MLLT3: variants seen among roughly 807,000 people sequenced by gnomAD.
The protein encoded by MLLT3 is MLLT3 super elongation complex subunit.
Under a neutral mutation model 53.2 loss-of-function variants are expected in MLLT3, and 4 were observed. That is an observed-to-expected ratio of 0.08 (90% CI 0.04 to 0.17). MLLT3 has a LOEUF of 0.17. MLLT3 is among the 10% of genes least tolerant of loss of function. The pLI is 1.00. For missense variants in MLLT3, 569 were observed against 684.0 expected, an observed-to-expected ratio of 0.83 and a Z score of 1.87; for synonymous variants, 283 against 230.6, an observed-to-expected ratio of 1.23 and a Z score of -2.06.
At chr9:20,364,463 T>C (rs1821400287) in intron 6 of MLLT3, among the ~76,000 whole-genome samples, 3 of 152,188 alleles carry the variant, frequency 2.0e-5, no homozygotes, top group Non-Finnish European at 4.4e-5. Flanking sequence ...CAGAAGAGGT[T>C]ATAAAGACAA....
rs1587135032 is a variant in MLLT3 at position 20,346,238 on chromosome 9, C to T, written c.*205G>A. The T allele has an allele frequency of 1.9e-6, 1 of 525,810 alleles. No individual in the cohort carries two copies. Among genetic ancestry groups the T allele is most frequent in the Non-Finnish European group, 3.2e-6 (1 of 312,544 alleles). 32.6% of individuals were successfully genotyped at this position (525,810 alleles called of 1,614,324 possible). On this transcript the variant is annotated 3_prime_UTR_variant, in exon 11 of 11. Transcript: ENST00000380338. The stretch of plus-strand genomic sequence containing the variant: ...AGAGTGGTCCGCTGAGGCTGGTTTG[C>T]TTTAACCTCTCCTTTATCAAGAGAT...
chr9:20,470,361 T>C (rs1824356679), intron 2 of MLLT3, among the ~76,000 whole-genome samples: 1 of 151,966 alleles, frequency 6.6e-6, no homozygotes, highest in African/African-American at 2.4e-5. Context: ...ACAGGTTCAT[T>C]TGTGTTTTAT....
intron 2 of MLLT3, among the ~76,000 whole-genome samples, chr9:20,531,456 C>T (rs1051518059): frequency 6.6e-6 from 1 of 152,058 alleles, no homozygotes; most frequent in African/African-American, 2.4e-5. Context: ...TTTATATTCA[C>T]CTATTTTTAT....
chr9:20,564,476 G>A lies in MLLT3; in HGVS notation c.193+56178C>T, dbSNP rs140513905. 5.3e-4 allele frequency among the ~76,000 whole-genome samples: 80 copies of A among 152,204 alleles called. 1 individual carries two copies. The highest frequency in any genetic ancestry group is 5.0e-3 in the Admixed American group (77 of 15,280). On this transcript the variant is annotated intron_variant, in intron 2 of 10. Transcript: ENST00000380338. The stretch of plus-strand genomic sequence containing the variant: ...AGCAAGCCTCGAATTTGGCAAAATT[G>A]CAAACTAAAAGAAAAAATAGCCTTT...
At chr9:20,499,069 C>T (rs983955533) in intron 2 of MLLT3, among the ~76,000 whole-genome samples, 3 of 152,146 alleles carry the variant, frequency 2.0e-5, no homozygotes, top group Non-Finnish European at 4.4e-5. Context: ...AGGTTGCTGG[C>T]AATCTTTGAA....
chr9:20,541,260 C>A (rs1255673807), intron 2 of MLLT3, among the ~76,000 whole-genome samples: 4 of 152,164 alleles, frequency 2.6e-5, no homozygotes, highest in Admixed American at 2.6e-4. Context: ...CTTCTGAGTC[C>A]TCTGAACTGT....
At chr9:20,460,627 T>A (rs1824082355) in intron 2 of MLLT3, among the ~76,000 whole-genome samples, 1 of 152,172 alleles carries the variant, frequency 6.6e-6, no homozygotes, top group Non-Finnish European at 1.5e-5. Context: ...GCAACCACAA[T>A]AATTATTCAT....
At chr9:20,606,732 G>C (rs1478612169) in intron 2 of MLLT3, among the ~76,000 whole-genome samples, 1 of 151,944 alleles carries the variant, frequency 6.6e-6, no homozygotes. Flanking sequence ...ATACAGGAGG[G>C]CTTTTCTTTT....
At chr9:20,622,156 G>A (rs575873911) in intron 1 of MLLT3, 89 bp downstream of exon 1, 5 of 1,406,734 alleles carry the variant, frequency 3.6e-6, no homozygotes, top group Admixed American at 1.8e-5. Context: ...TTGGAACCGC[G>A]GAGCGCTGGC....
intron 8 of MLLT3, among the ~76,000 whole-genome samples, chr9:20,358,152 A>G (rs1405879376): frequency 6.6e-6 from 1 of 152,096 alleles, no homozygotes; most frequent in Admixed American, 6.5e-5. Context: ...CAGAAGCTTG[A>G]CTTAAAGGGA....
intron 2 of MLLT3, among the ~76,000 whole-genome samples, chr9:20,509,769 C>T (rs1380211250): frequency 3.9e-5 from 6 of 152,150 alleles, no homozygotes; most frequent in Admixed American, 1.3e-4. Context: ...TATTTCATTA[C>T]TACCACATAT....
At chr9:20,554,426 T>A (rs1819003571) in intron 2 of MLLT3, among the ~76,000 whole-genome samples, 1 of 152,306 alleles carries the variant, frequency 6.6e-6, no homozygotes, top group Non-Finnish European at 1.5e-5. Flanking sequence ...CAAGCTCCTG[T>A]CCCTACTTAA....
intron 2 of MLLT3, among the ~76,000 whole-genome samples, chr9:20,528,787 G>A (rs1481353660): frequency 6.6e-6 from 1 of 152,172 alleles, no homozygotes; most frequent in Admixed American, 6.5e-5. Context: ...GCATCTGCAA[G>A]GATCCTTTTT....
At chr9:20,531,957 A>C (rs1197727096) in intron 2 of MLLT3, among the ~76,000 whole-genome samples, 1 of 152,090 alleles carries the variant, frequency 6.6e-6, no homozygotes, top group Non-Finnish European at 1.5e-5. Context: ...AGTTTAGACT[A>C]AATAACAAAT....
At chr9:20,547,149 CT>C (rs1336629912) in intron 2 of MLLT3, among the ~76,000 whole-genome samples, 1 of 151,974 alleles carries the variant, frequency 6.6e-6, no homozygotes, top group East Asian at 1.9e-4. Context: ...AATAGTTCCA[CT>C]TTGTAGTGAA....
chr9:20,365,792 A>G lies in MLLT3; in HGVS notation c.1126-48T>C, dbSNP rs1226363190. 3.1e-6 allele frequency: 5 copies of G among 1,590,396 alleles called. No homozygotes were observed. In the South Asian group the frequency reaches 5.5e-5, roughly 18 times the overall value. On this transcript the variant is annotated intron_variant, in intron 5 of 10. Coordinates refer to ENST00000380338, the MANE Select transcript of MLLT3 (RefSeq NM_004529.4). ...ACCATCAATAAATTTACGGGATACC[A>G]CACATCTAAAGTTGAAAACAGTATT...
intron 2 of MLLT3, among the ~76,000 whole-genome samples, chr9:20,600,376 T>C (rs986644909): frequency 4.6e-5 from 7 of 152,214 alleles, no homozygotes; most frequent in Admixed American, 6.5e-5. Context: ...GCCTGGCACA[T>C]AGATGGTGCT....
At chr9:20,403,985 A>C (rs1295809947) in intron 5 of MLLT3, among the ~76,000 whole-genome samples, 1 of 151,950 alleles carries the variant, frequency 6.6e-6, no homozygotes, top group Non-Finnish European at 1.5e-5. Flanking sequence ...ACACCCAGCT[A>C]ATTTTTGTAT....
chr9:20,614,556 A>C (rs1408645651), intron 2 of MLLT3, among the ~76,000 whole-genome samples: 1 of 152,214 alleles, frequency 6.6e-6, no homozygotes, highest in East Asian at 1.9e-4. Flanking sequence ...ATGTCTAACA[A>C]ATATTAACTA....
Sources: gnomAD v4.1 joint callset for allele counts (sites outside exome capture counted in the v4.1 genomes callset) on GRCh38, gnomAD v4.1.1 for gene constraint, MANE v1.5 for transcripts, NCBI Gene and HGNC (gene_info 2026-07-23, HGNC 2026-07-21) for gene names.